Variants in ULK4 observed in about 807,000 individuals in gnomAD.
ULK4 encodes inactive serine/threonine-protein kinase ULK4.
Under a neutral mutation model 160.6 loss-of-function variants are expected in ULK4, and 133 were observed. That is an observed-to-expected ratio of 0.83 (90% CI 0.72 to 0.96). The LOEUF (loss-of-function observed/expected upper bound fraction) is 0.96. ULK4 is among the 40% of genes least tolerant of loss of function. The pLI, the probability that ULK4 is intolerant of heterozygous loss-of-function variation, is 0.00. For synonymous variants in ULK4, 534 were observed against 539.8 expected (o/e 0.99, Z 0.15); for missense variants, 1,580 against 1,499.5 (o/e 1.05, Z -0.89).
At chr3:41,693,888 T>C (rs925983550) in intron 27 of ULK4, among the ~76,000 whole-genome samples, 5 of 152,204 alleles carry the variant, frequency 3.3e-5, no homozygotes, top group African/African-American at 1.2e-4. Context: ...TCAACTGTAC[T>C]TCAAACGAAT....
chr3:41,847,807 G>A (rs192742970), intron 17 of ULK4, among the ~76,000 whole-genome samples: 22 of 152,110 alleles, frequency 1.4e-4, no homozygotes, highest in Admixed American at 5.9e-4. Context: ...TTAAGCCTTC[G>A]CAAGTAAAAT....
At chr3:41,616,448 C>T (rs1463619567) in intron 30 of ULK4, among the ~76,000 whole-genome samples, 1 of 152,152 alleles carries the variant, frequency 6.6e-6, no homozygotes, top group East Asian at 1.9e-4. Context: ...GTACCCAGTT[C>T]ATCTCACTGG....
intron 16 of ULK4, among the ~76,000 whole-genome samples, chr3:41,889,745 T>C (rs1485936042): frequency 6.6e-6 from 1 of 152,240 alleles, no homozygotes; most frequent in African/African-American, 2.4e-5. Flanking sequence ...AGAGTTATCA[T>C]TTTATCCAGC....
chr3:41,714,353 CTTG>C (rs1033397871), intron 25 of ULK4, among the ~76,000 whole-genome samples: 3 of 152,168 alleles, frequency 2.0e-5, no homozygotes, highest in African/African-American at 7.2e-5. Context: ...CATATCCTCA[CTTG>C]TTGTGGCAAT....
Position 41,802,363 on chromosome 3 carries a change from T to C in ULK4, c.1849-2070A>G, listed in dbSNP as rs527730645. On this transcript the variant is annotated intron_variant, in intron 19 of 36. Transcript: ENST00000301831. ...CCCAGACTGAAGTACAATGGCAGGATCACAGCTCACTGCAGTCTCAATCTC... is the reference window on the plus strand; with the variant it reads ...CCCAGACTGAAGTACAATGGCAGGACCACAGCTCACTGCAGTCTCAATCTC... 3.3e-5 allele frequency among the ~76,000 whole-genome samples: 5 copies of C among 152,300 alleles called. No individual in the cohort carries two copies. In the Middle Eastern group the frequency reaches 0.017, roughly 518 times the overall value.
intron 8 of ULK4, among the ~76,000 whole-genome samples, chr3:41,913,485 A>T (rs1029855891): frequency 1.3e-5 from 2 of 152,136 alleles, no homozygotes; most frequent in African/African-American, 4.8e-5. Context: ...TCCGCCTCCC[A>T]AAGTGCTGGG....
At chr3:41,698,334 C>T (rs907908351) in intron 27 of ULK4, among the ~76,000 whole-genome samples, 17 of 152,028 alleles carry the variant, frequency 1.1e-4, no homozygotes, top group Admixed American at 4.6e-4. Flanking sequence ...GCTACATTGC[C>T]CAAGCTGGCC....
At chr3:41,310,700 C>T (rs551621801) in intron 35 of ULK4, among the ~76,000 whole-genome samples, 2 of 152,206 alleles carry the variant, frequency 1.3e-5, no homozygotes, top group East Asian at 3.9e-4. Context: ...AAATGAAATA[C>T]GTGTAGGGCC....
At chr3:41,713,629 A>T (rs1271822008) in intron 25 of ULK4, among the ~76,000 whole-genome samples, 1 of 151,768 alleles carries the variant, frequency 6.6e-6, no homozygotes, top group Non-Finnish European at 1.5e-5. Context: ...AACTGCTAAA[A>T]TTTTTTCAGT....
At chr3:41,388,847 T>C (rs573509407) in intron 35 of ULK4, among the ~76,000 whole-genome samples, 1 of 152,324 alleles carries the variant, frequency 6.6e-6, no homozygotes, top group South Asian at 2.1e-4. Flanking sequence ...AGGATTGACT[T>C]GGCTATACAG....
intron 34 of ULK4, among the ~76,000 whole-genome samples, chr3:41,414,245 C>T (rs778687909): frequency 2.0e-5 from 3 of 152,124 alleles, no homozygotes; most frequent in Non-Finnish European, 4.4e-5. Flanking sequence ...TATATCCATT[C>T]GGCATCTTGT....
At chr3:41,657,828 A>AAAAAAAAAAAAAAAAAAAAAAC (rs2034999389) in intron 30 of ULK4, among the ~76,000 whole-genome samples, 1 of 150,414 alleles carries the variant, frequency 6.6e-6, no homozygotes, top group African/African-American at 2.5e-5. Flanking sequence ...TAAAAAAAAA[A>AAAAAAAAAAAAAAAAAAAAAAC]AAAAAAACAC....
intron 35 of ULK4, among the ~76,000 whole-genome samples, chr3:41,316,301 G>T (rs1295486570): frequency 1.9e-4 from 29 of 152,156 alleles, no homozygotes; most frequent in Non-Finnish European, 2.9e-5. Context: ...GACTTTTGGG[G>T]TGATAAAAAT....
rs542771035 is a variant in ULK4, at chr3:41,484,695, G to A, written c.3227-21442C>T. 3.8e-3 allele frequency among the ~76,000 whole-genome samples: 570 copies of A among 151,932 alleles called. 1 individual carries two copies. The highest frequency in any genetic ancestry group is 0.012 in the African/African-American group (517 of 41,424). The stretch of plus-strand genomic sequence containing the variant: ...TCTTGATCTCCTGACCTTATGATCC[G>A]CCCACCTTGGCCTCCCAAAGTGCTG... On this transcript the variant is annotated intron_variant, in intron 32 of 36. Coordinates refer to ENST00000301831, the MANE Select transcript of ULK4 (RefSeq NM_017886.4).
chr3:41,879,095 C>G (rs1488137128), intron 17 of ULK4, among the ~76,000 whole-genome samples: 1 of 151,700 alleles, frequency 6.6e-6, no homozygotes, highest in Non-Finnish European at 1.5e-5. Context: ...AATAAGAGAC[C>G]AGGAATTAAG....
chr3:41,259,934 G>A (rs1395805795), intron 35 of ULK4: 1 of 152,144 alleles, frequency 6.6e-6, no homozygotes, highest in Non-Finnish European at 1.5e-5. Context: ...GAGCAGCCCA[G>A]GTGCTTCTTG....
In ULK4 at chr3:41,470,037, A is replaced by C. The variant is rs970767185; in HGVS notation, c.3227-6784T>G. Among the ~76,000 whole-genome samples, 40 of 147,708 alleles carry C rather than the reference A, an allele frequency of 2.7e-4. 2 individuals are homozygous for C. In the South Asian group the frequency reaches 7.3e-3, roughly 27 times the overall value. On this transcript the variant is annotated intron_variant, in intron 32 of 36. Transcript: ENST00000301831. ...AGAACAGAAAAAAAAAAAAAAAAAA[A>C]AAAAAAAAACAAAGTATTTTTAAAG...
chr3:41,405,974 A>G (rs1336549499), intron 34 of ULK4, among the ~76,000 whole-genome samples: 1 of 152,074 alleles, frequency 6.6e-6, no homozygotes, highest in Non-Finnish European at 1.5e-5. Context: ...TAGTTTAATC[A>G]GGTCCTGTCC....
At chr3:41,764,219 A>G (rs1385943671) in intron 21 of ULK4, among the ~76,000 whole-genome samples, 1 of 152,252 alleles carries the variant, frequency 6.6e-6, no homozygotes, top group Admixed American at 6.5e-5. Flanking sequence ...GTATATTTAA[A>G]TACATTTTCT....
Sources: allele counts gnomAD v4.1 joint callset (sites outside exome capture counted in the v4.1 genomes callset), GRCh38; gene constraint gnomAD v4.1.1; transcripts MANE v1.5; gene names NCBI Gene and HGNC (gene_info 2026-07-23, HGNC 2026-07-21).